The following ZNF33A variants were observed in gnomAD, a reference collection of about 807,000 sequenced individuals.
ZNF33A encodes the protein zinc finger protein 33A.
Under a neutral mutation model 15.9 loss-of-function variants are expected in ZNF33A, and 9 were observed. The ratio of observed to expected loss-of-function variants is 0.57; its 90% CI spans 0.34 to 0.99. The LOEUF is 0.99. Among genes scored for constraint, ZNF33A ranks in the 50% least tolerant of loss-of-function variants. ZNF33A has a pLI of 0.02. For synonymous variants in ZNF33A, 294 were observed against 324.2 expected, an observed-to-expected ratio of 0.91 and a Z score of 1.00; for missense variants, 843 against 941.6, an observed-to-expected ratio of 0.90 and a Z score of 1.37.
At chr10:38,047,353 G>A (rs2065991633) in intron 4 of ZNF33A, among the ~76,000 whole-genome samples, 1 of 151,752 alleles carries the variant, frequency 6.6e-6, no homozygotes, top group African/African-American at 2.4e-5. Flanking sequence ...CCTTGGGCTG[G>A]GTGTGGTGGC....
In ZNF33A at chr10:38,056,904, A is replaced by C; in HGVS notation, c.*344A>C. 1 of 978,606 alleles carries C rather than the reference A, an allele frequency of 1.0e-6. No individual in the cohort carries two copies. Among genetic ancestry groups the C allele is most frequent in the Non-Finnish European group, 1.2e-6 (1 of 816,668 alleles). 60.6% of individuals were successfully genotyped at this position (978,606 alleles called of 1,614,324 possible). A position where few individuals can be genotyped will look rare whatever the true frequency, so the allele number is the denominator to read the frequency against. On this transcript the variant is annotated 3_prime_UTR_variant, in exon 5 of 5. Coordinates refer to ENST00000432900, the MANE Select transcript of ZNF33A (RefSeq NM_006954.2). ...AATAATTTATAGATGTATATTGTGG[A>C]ATGTAAAGCTTTAAGAACTTAAACA... is the stretch of plus-strand genomic sequence containing the variant.
At chr10:38,023,039 G>A (rs544326273) in intron 4 of ZNF33A, among the ~76,000 whole-genome samples, 4 of 152,132 alleles carry the variant, frequency 2.6e-5, no homozygotes, top group East Asian at 1.9e-4. Flanking sequence ...TCTGCCTCCC[G>A]GGTTCAGATG....
rs565727738 is a variant in ZNF33A at position 38,042,189 on chromosome 10, C to CT, written c.251-12174dup. Among the ~76,000 whole-genome samples, 64 of 146,726 alleles carry CT rather than the reference C, an allele frequency of 4.4e-4. 1 individual carries two copies. The highest frequency in any genetic ancestry group is 4.8e-4 in the Admixed American group (7 of 14,652). On this transcript the variant is annotated intron_variant, in intron 4 of 4. Coordinates refer to ENST00000432900, the MANE Select transcript of ZNF33A (RefSeq NM_006954.2). The stretch of plus-strand genomic sequence containing the variant: ...CTCTGGCACAGATTTGTTCCTCTGT[C>CT]TTTTTTTTTTTTCCCCTGGGAGTCT...
At chr10:38,016,811 A>G (rs2064469458) in intron 2 of ZNF33A, 60 bp from the exon 3 acceptor site, 8 of 1,552,252 alleles carry the variant, frequency 5.2e-6, no homozygotes, top group Non-Finnish European at 7.0e-6. Flanking sequence ...GTGAATAATA[A>G]TCATGGTAAG....
intron 4 of ZNF33A, among the ~76,000 whole-genome samples, chr10:38,028,223 G>A (rs2065062183): frequency 6.6e-6 from 1 of 152,070 alleles, no homozygotes; most frequent in African/African-American, 2.4e-5. Flanking sequence ...AGTCATGTTT[G>A]TGTCACTGCA....
chr10:38,065,881 T>G (rs752028506), downstream of ZNF33A, among the ~76,000 whole-genome samples: 1 of 152,100 alleles, frequency 6.6e-6, no homozygotes, highest in Non-Finnish European at 1.5e-5. Flanking sequence ...TGGCTAATTT[T>G]TGTATTTTTA....
intron 4 of ZNF33A, among the ~76,000 whole-genome samples, chr10:38,044,208 CTTT>C (rs35770536): frequency 1.5e-5 from 2 of 136,010 alleles, no homozygotes; most frequent in Non-Finnish European, 1.6e-5. Flanking sequence ...TCTTTTCTTT[CTTT>C]TTTTTTTTTT....
At chr10:38,014,367 A>C (rs1207633485) in intron 2 of ZNF33A, among the ~76,000 whole-genome samples, 1 of 152,148 alleles carries the variant, frequency 6.6e-6, no homozygotes, top group Non-Finnish European at 1.5e-5. Context: ...TTACAGAAGA[A>C]GTTTACCAAT....
intron 4 of ZNF33A, among the ~76,000 whole-genome samples, chr10:38,041,376 C>G (rs1323660982): frequency 1.1e-4 from 17 of 150,582 alleles, no homozygotes; most frequent in Non-Finnish European, 2.5e-4. Flanking sequence ...ATTATGATGT[C>G]TCTTTGAAAA....
intron 1 of ZNF33A, among the ~76,000 whole-genome samples, 184 bp downstream of exon 1, chr10:38,010,967 T>C (rs1198525294): frequency 1.3e-5 from 2 of 152,198 alleles, no homozygotes; most frequent in Admixed American, 6.5e-5. Flanking sequence ...GCGCGGCCTC[T>C]GTACGGAGCA....
chr10:38,049,583 T>C (rs541269406), intron 4 of ZNF33A, among the ~76,000 whole-genome samples: 1 of 152,294 alleles, frequency 6.6e-6, no homozygotes, highest in South Asian at 2.1e-4. Context: ...ATTTCATATG[T>C]GTATGTATTT....
chr10:38,046,653 A>G (rs2065958576), intron 4 of ZNF33A, among the ~76,000 whole-genome samples: 1 of 152,222 alleles, frequency 6.6e-6, no homozygotes, highest in Admixed American at 6.5e-5. Flanking sequence ...ATGTGGGAAA[A>G]CATGAGCTTT....
At chr10:38,028,274 A>G (rs1027914777) in intron 4 of ZNF33A, among the ~76,000 whole-genome samples, 11 of 152,044 alleles carry the variant, frequency 7.2e-5, no homozygotes, top group African/African-American at 2.7e-4. Context: ...TCTAAAATAA[A>G]TAAATAAATA....
chr10:38,048,758 A>G (rs2066068264), intron 4 of ZNF33A, among the ~76,000 whole-genome samples: 1 of 152,200 alleles, frequency 6.6e-6, no homozygotes, highest in Admixed American at 6.5e-5. Flanking sequence ...TAATGGATTT[A>G]CAAAATATTT....
In ZNF33A at chr10:38,054,942, A is replaced by G. The variant is rs1205214030; in HGVS notation, c.818A>G (p.Asn273Ser). ...CATCAGATATCTCCGTCAAGGGACA[A>G]TCACTATGAATTTAGTGATTGTGAG... ...LFHQISPSRDNHYEFSDCEKF... is the reference protein window; with the variant it reads ...LFHQISPSRDSHYEFSDCEKF... The change falls in exon 5 of 5, where the codon AAT (asparagine) becomes AGT (serine). Residue 273 changes from asparagine to serine, a missense_variant. Physicochemically the swap from Asn to Ser is conservative, Grantham distance 46. Transcript: ENST00000432900. 4.6e-5 allele frequency: 75 copies of G among 1,613,930 alleles called. No individual in the cohort carries two copies. Among genetic ancestry groups the G allele is most frequent in the Non-Finnish European group, 6.1e-5 (72 of 1,179,984 alleles).
At chr10:38,011,304 G>T (rs1454210485) in intron 1 of ZNF33A, among the ~76,000 whole-genome samples, 1 of 152,148 alleles carries the variant, frequency 6.6e-6, no homozygotes. Context: ...CCTAATTTTG[G>T]CCTGGCGCGG....
In ZNF33A at chr10:38,055,016, A is replaced by G. The variant is rs768614441; in HGVS notation, c.892A>G (p.Met298Val). ...CCTTTCTAAACCTCATGGGGTATCT[A>G]TGAAACACTATGATTGTGGTGAAAG... The part of the protein sequence containing the change: ...STLSKPHGVS[M>V]KHYDCGESGN... Residue 298 changes from methionine to valine, a missense_variant, in exon 5 of 5, where the codon ATG (methionine) becomes GTG (valine). By Grantham distance (21) the Met-to-Val change is conservative. Coordinates refer to ENST00000432900, the MANE Select transcript of ZNF33A (RefSeq NM_006954.2). The G allele has an allele frequency of 1.8e-5, 29 of 1,613,996 alleles. No individual in the cohort carries two copies. Among genetic ancestry groups the G allele is most frequent in the Non-Finnish European group, 2.4e-5 (28 of 1,180,002 alleles).
At chr10:38,040,676 C>A (rs948801451) in intron 4 of ZNF33A, among the ~76,000 whole-genome samples, 1 of 152,134 alleles carries the variant, frequency 6.6e-6, no homozygotes, top group Non-Finnish European at 1.5e-5. Flanking sequence ...AAATTTTCAA[C>A]CTGTTTGTAT....
chr10:38,026,970 AG>A (rs2065016108), intron 4 of ZNF33A, among the ~76,000 whole-genome samples: 1 of 152,196 alleles, frequency 6.6e-6, no homozygotes, highest in Non-Finnish European at 1.5e-5. Flanking sequence ...ATCAACTGAA[AG>A]AAAAGGCTTT....
Sources: allele counts gnomAD v4.1 joint callset (sites outside exome capture counted in the v4.1 genomes callset), GRCh38; gene constraint gnomAD v4.1.1; transcripts MANE v1.5; gene names NCBI Gene and HGNC (gene_info 2026-07-23, HGNC 2026-07-21).